Variants in SCFD2 observed in about 807,000 individuals in gnomAD.
The protein encoded by SCFD2 is sec1 family domain-containing protein 2.
SCFD2 carries 54 observed loss-of-function variants against 58.9 expected under a neutral mutation model. That is an observed-to-expected ratio of 0.92 (90% CI 0.74 to 1.15). The LOEUF (loss-of-function observed/expected upper bound fraction) is 1.15. Among genes scored for constraint, SCFD2 ranks in the 50% most tolerant of loss-of-function variants. The pLI is 0.00. For missense variants in SCFD2, 805 were observed against 836.6 expected (o/e 0.96, Z 0.47); for synonymous variants, 321 against 335.9 (o/e 0.96, Z 0.49).
At chr4:52,981,831 G>A (rs529901652) in intron 5 of SCFD2, among the ~76,000 whole-genome samples, 1 of 152,292 alleles carries the variant, frequency 6.6e-6, no homozygotes, top group East Asian at 1.9e-4. Context: ...ACAGGGAAAT[G>A]CTAGGATCTG....
intron 5 of SCFD2, among the ~76,000 whole-genome samples, chr4:53,067,927 G>C (rs1251621269): frequency 1.3e-5 from 2 of 152,040 alleles, no homozygotes; most frequent in Non-Finnish European, 2.9e-5. Context: ...GGGTTCAAGA[G>C]GCTAGGAGGA....
intron 4 of SCFD2, among the ~76,000 whole-genome samples, chr4:53,167,811 C>T (rs1727054087): frequency 1.3e-5 from 2 of 152,016 alleles, no homozygotes; most frequent in Non-Finnish European, 2.9e-5. Context: ...ATGTTTCTGC[C>T]CATGAAAGCA....
At chr4:53,009,665 C>T (rs1224291055) in intron 5 of SCFD2, among the ~76,000 whole-genome samples, 1 of 152,188 alleles carries the variant, frequency 6.6e-6, no homozygotes, top group Non-Finnish European at 1.5e-5. Flanking sequence ...TTTATAGACA[C>T]ACATAGTCTC....
chr4:53,159,780 A>T (rs577447710), intron 4 of SCFD2, among the ~76,000 whole-genome samples: 1 of 152,298 alleles, frequency 6.6e-6, no homozygotes, highest in East Asian at 1.9e-4. Context: ...CACCCCCTTC[A>T]GAAGCCCTAG....
At chr4:53,192,057 G>A (rs1184836590) in intron 4 of SCFD2, among the ~76,000 whole-genome samples, 4 of 152,188 alleles carry the variant, frequency 2.6e-5, no homozygotes, top group Non-Finnish European at 4.4e-5. Flanking sequence ...CAAAAAGAGT[G>A]TCTTGAAAAT....
At position 52,966,493 on chromosome 4, in the gene SCFD2, G is replaced by A. The variant is rs571917330; in HGVS notation, c.1562-45623C>T. On this transcript the variant is annotated intron_variant, in intron 5 of 8. Transcript: ENST00000401642. Reference sequence around the variant, plus strand: ...TCACCTTTTTAATCTCTGTTTTCAGGCTCATAACAATCTCTCCCCAAATCT... The same window carrying A: ...TCACCTTTTTAATCTCTGTTTTCAGACTCATAACAATCTCTCCCCAAATCT... Among the ~76,000 whole-genome samples, 38 of 152,080 alleles carry A rather than the reference G, an allele frequency of 2.5e-4. No individual in the cohort carries two copies. The South Asian group carries it at 7.5e-3, about 30-fold the overall frequency.
At chr4:53,276,388 G>T (rs1312475562) in intron 3 of SCFD2, among the ~76,000 whole-genome samples, 1 of 152,086 alleles carries the variant, frequency 6.6e-6, no homozygotes, top group African/African-American at 2.4e-5. Context: ...GTGGAAATCA[G>T]ATACTTAGGG....
intron 4 of SCFD2, among the ~76,000 whole-genome samples, chr4:53,227,351 G>C (rs1729251170): frequency 6.6e-6 from 1 of 152,168 alleles, no homozygotes; most frequent in South Asian, 2.1e-4. Context: ...ACAGCAAACA[G>C]TGAAATTCTC....
chr4:52,974,233 C>G (rs933359802), intron 5 of SCFD2, among the ~76,000 whole-genome samples: 2 of 152,102 alleles, frequency 1.3e-5, no homozygotes, highest in African/African-American at 2.4e-5. Flanking sequence ...TCAAATTGTC[C>G]CTGTTTGCAG....
intron 5 of SCFD2, among the ~76,000 whole-genome samples, chr4:52,979,883 T>TG (rs1721337428): frequency 6.6e-6 from 1 of 152,020 alleles, no homozygotes; most frequent in African/African-American, 2.4e-5. Context: ...TCCTTACCCA[T>TG]GAGATCTCTT....
intron 5 of SCFD2, among the ~76,000 whole-genome samples, chr4:53,044,892 CA>C (rs2148826904): frequency 2.0e-5 from 1 of 50,806 alleles, no homozygotes. Flanking sequence ...CCCCAATTCC[CA>C]CCTCCACCCC....
chr4:52,974,026 A>T (rs1016464252), intron 5 of SCFD2, among the ~76,000 whole-genome samples: 5 of 152,246 alleles, frequency 3.3e-5, no homozygotes, highest in Non-Finnish European at 7.3e-5. Flanking sequence ...ATCTCAAAAT[A>T]GTAAGAGCTA....
chr4:53,330,831 G>A (rs934982873), intron 2 of SCFD2, among the ~76,000 whole-genome samples: 11 of 152,174 alleles, frequency 7.2e-5, no homozygotes, highest in East Asian at 5.8e-4. Flanking sequence ...ACCCATCAGT[G>A]TGCTGTATTC....
intron 2 of SCFD2, among the ~76,000 whole-genome samples, chr4:53,340,413 AG>A (rs1427043425): frequency 6.6e-6 from 1 of 152,224 alleles, no homozygotes; most frequent in Non-Finnish European, 1.5e-5. Flanking sequence ...AGGCTGGGGA[AG>A]GGGTGCCCAC....
chr4:53,048,454 T>C (rs1295720164), intron 5 of SCFD2, among the ~76,000 whole-genome samples: 1 of 151,332 alleles, frequency 6.6e-6, no homozygotes, highest in Non-Finnish European at 1.5e-5. Flanking sequence ...AAAATGAAGA[T>C]ACTAGGTGTA....
At chr4:53,329,834 T>A (rs926481683) in intron 2 of SCFD2, among the ~76,000 whole-genome samples, 24 of 151,648 alleles carry the variant, frequency 1.6e-4, no homozygotes, top group African/African-American at 4.8e-4. Flanking sequence ...GGCAAAGAAG[T>A]TGAAAACTTT....
At chr4:53,189,551 G>A (rs1043392829) in intron 4 of SCFD2, among the ~76,000 whole-genome samples, 1 of 152,200 alleles carries the variant, frequency 6.6e-6, no homozygotes, top group Non-Finnish European at 1.5e-5. Context: ...TGAGAGAGCA[G>A]TAAGGGAGGA....
At chr4:53,062,159 G>A (rs1191226207) in intron 5 of SCFD2, among the ~76,000 whole-genome samples, 2 of 151,844 alleles carry the variant, frequency 1.3e-5, no homozygotes, top group African/African-American at 4.8e-5. Flanking sequence ...ATCACTTGAG[G>A]TCAGGAGTTC....
At chr4:53,166,793 C>G (rs556141301) in intron 4 of SCFD2, among the ~76,000 whole-genome samples, 46 of 144,748 alleles carry the variant, frequency 3.2e-4, no homozygotes, top group Non-Finnish European at 5.1e-4. Context: ...AGAGATCATT[C>G]TGAGGATCAA....
Sources: gnomAD v4.1 joint callset for allele counts (sites outside exome capture counted in the v4.1 genomes callset) on GRCh38, gnomAD v4.1.1 for gene constraint, MANE v1.5 for transcripts, NCBI Gene and HGNC (gene_info 2026-07-23, HGNC 2026-07-21) for gene names.